Variants in HNF1B observed in about 807,000 individuals in gnomAD.
HNF1B encodes hepatocyte nuclear factor 1-beta.
HNF1B carries 8 observed loss-of-function variants against 61.7 expected under a neutral mutation model. That is an observed-to-expected ratio of 0.13 (90% CI 0.08 to 0.23). The LOEUF (loss-of-function observed/expected upper bound fraction) is 0.23, where lower values mean the gene tolerates loss of function less well. Among genes scored for constraint, HNF1B ranks in the 10% least tolerant of loss-of-function variants. The probability of loss-of-function intolerance (pLI) is 1.00; values close to 1 mark genes in which losing one functional copy is unlikely to be tolerated. For missense variants in HNF1B, 562 were observed against 714.5 expected, an observed-to-expected ratio of 0.79 and a Z score of 2.43; for synonymous variants, 314 against 287.7, an observed-to-expected ratio of 1.09 and a Z score of -0.93.
intron 4 of HNF1B, among the ~76,000 whole-genome samples, chr17:37,719,418 C>T (rs2033233303): frequency 6.6e-6 from 1 of 152,146 alleles, no homozygotes; most frequent in South Asian, 2.1e-4. Context: ...GGAGAAGAGT[C>T]AATTAATGGG....
chr17:37,723,768 C>T (rs1194500362), intron 4 of HNF1B, among the ~76,000 whole-genome samples: 1 of 152,068 alleles, frequency 6.6e-6, no homozygotes, highest in Non-Finnish European at 1.5e-5. Flanking sequence ...AGAAACAACC[C>T]CCAAGTCTCT....
Position 37,733,762 on chromosome 17 carries a change from G to C in HNF1B, c.604C>G (p.Leu202Val), listed in dbSNP as rs2033756416. The C allele has an allele frequency of 6.2e-7, 1 of 1,614,230 alleles. No homozygotes were observed. ...CTGAACTCTGGAAAGAGAAACAGCA[G>C]CTGATCCTGACTGCTTTTGTCTGTC... ...NMTDKSSQDQ[L>V]LFLFPEFSQQ... The change falls in exon 3 of 9, where the codon CTG becomes GTG. Residue 202 changes from leucine (L) to valine (V), a missense_variant. Transcript: ENST00000617811.
chr17:37,727,818 AGCTTCGTCTC>A (rs2033550748), intron 4 of HNF1B, among the ~76,000 whole-genome samples: 1 of 152,062 alleles, frequency 6.6e-6, no homozygotes, highest in Non-Finnish European at 1.5e-5. Flanking sequence ...GTTCTGGGGA[AGCTTCGTCTC>A]CAAGGTGCTG....
chr17:37,733,898 C>T (rs949643114), intron 2 of HNF1B, 77 bp from the exon 3 acceptor site: 39 of 1,485,150 alleles, frequency 2.6e-5, no homozygotes, highest in Non-Finnish European at 3.0e-5. Context: ...AGACAGACAA[C>T]GGACGAAGAC....
In HNF1B at chr17:37,686,699, G is replaced by T; in HGVS notation, c.*673C>A. On this transcript the variant is annotated 3_prime_UTR_variant, in exon 9 of 9. Coordinates refer to ENST00000617811, the MANE Select transcript of HNF1B (RefSeq NM_000458.4). Reference sequence around the variant, plus strand: ...ATAAGTGTCCAGGCCCGCGGGAGAGGACAAGGGGCTTCACTTCCCACTTAG... The same window carrying T: ...ATAAGTGTCCAGGCCCGCGGGAGAGTACAAGGGGCTTCACTTCCCACTTAG... 1 of 172,624 alleles carries T rather than the reference G, an allele frequency of 5.8e-6. No homozygotes were observed. Among genetic ancestry groups the T allele is most frequent in the Non-Finnish European group, 1.3e-5 (1 of 78,524 alleles). 10.7% of individuals were successfully genotyped at this position (172,624 alleles called of 1,614,324 possible). A position where few individuals can be genotyped will look rare whatever the true frequency, so the allele number is the denominator to read the frequency against.
In HNF1B at chr17:37,734,399, A is replaced by G. The variant is rs547954162; in HGVS notation, c.545-578T>C. Among the ~76,000 whole-genome samples, 5 of 152,368 alleles carry G rather than the reference A, an allele frequency of 3.3e-5. No homozygotes were observed. In the Middle Eastern group the frequency reaches 0.017, roughly 518 times the overall value. On this transcript the variant is annotated intron_variant, in intron 2 of 8. Coordinates refer to ENST00000617811, the MANE Select transcript of HNF1B (RefSeq NM_000458.4). ...GTATTGGAAAAAGAAAATGTGCTTT[A>G]GATCTCAAAATAATTTCAAAGACTA...
rs759636901 is a variant in HNF1B at position 37,744,649 on chromosome 17, C to T, written c.236G>A (p.Gly79Asp). Residue 79 changes from glycine (G) to aspartate (D), a missense_variant, in exon 1 of 9, where the codon GGC becomes GAC. Gly to Asp is a moderately conservative substitution (Grantham distance 94). Around this residue, in one of 6 missense-constraint regions of HNF1B, gnomAD observed 148 missense variants for 147.3 expected, o/e 1.00. Transcript: ENST00000617811. ...HAKGRLSGDE[G>D]SEDGDDYDTP... ...GTCATAGTCGTCGCCGTCCTCGGAGCCCTCGTCGCCGGACAAGCGGCCCTT... is the reference window on the plus strand; with the variant it reads ...GTCATAGTCGTCGCCGTCCTCGGAGTCCTCGTCGCCGGACAAGCGGCCCTT... The T allele has an allele frequency of 1.4e-5, 23 of 1,612,742 alleles. No homozygotes were observed. Among genetic ancestry groups the T allele is most frequent in the African/African-American group, 2.7e-5 (2 of 74,958 alleles).
At chr17:37,738,225 G>A (rs2033891286) in intron 2 of HNF1B, among the ~76,000 whole-genome samples, 1 of 152,206 alleles carries the variant, frequency 6.6e-6, no homozygotes, top group Admixed American at 6.5e-5. Flanking sequence ...TTCTTGGAAA[G>A]GTCTCTCGCT....
At chr17:37,744,415 G>C in intron 1 of HNF1B, 126 bp downstream of exon 1, 1 of 924,392 alleles carries the variant, frequency 1.1e-6, no homozygotes, top group East Asian at 2.5e-5. Flanking sequence ...GAAGCAGAGC[G>C]CCCCCCGGGG....
intron 8 of HNF1B, among the ~76,000 whole-genome samples, chr17:37,689,529 TAG>T (rs1348616004): frequency 3.3e-5 from 5 of 152,200 alleles, no homozygotes; most frequent in African/African-American, 1.2e-4. Flanking sequence ...TCAAAAGAAC[TAG>T]AGTTATTTGC....
intron 5 of HNF1B, among the ~76,000 whole-genome samples, chr17:37,708,134 C>T (rs2032812868): frequency 6.6e-6 from 1 of 152,192 alleles, no homozygotes; most frequent in African/African-American, 2.4e-5. Flanking sequence ...CGAGCCAAGA[C>T]TTGCACATAC....
intron 2 of HNF1B, among the ~76,000 whole-genome samples, chr17:37,738,076 G>A (rs1289964065): frequency 6.6e-6 from 1 of 152,234 alleles, no homozygotes; most frequent in African/African-American, 2.4e-5. Flanking sequence ...AAATTGGGCA[G>A]GGCCCAAGCG....
At chr17:37,705,195 C>A (rs2032703431) in intron 5 of HNF1B, 146 bp from the exon 6 acceptor site, 2 of 929,586 alleles carry the variant, frequency 2.2e-6, no homozygotes, top group East Asian at 5.3e-5. Context: ...ATTGGCTGGG[C>A]ATGGTGCTTC....
chr17:37,714,146 T>C (rs185964087), intron 4 of HNF1B, among the ~76,000 whole-genome samples: 5 of 152,320 alleles, frequency 3.3e-5, no homozygotes, highest in East Asian at 3.9e-4. Context: ...TGTCAGGTCA[T>C]TGGGAAGAGA....
chr17:37,733,044 G>C (rs1428354879), intron 3 of HNF1B, among the ~76,000 whole-genome samples: 2 of 152,056 alleles, frequency 1.3e-5, no homozygotes, highest in African/African-American at 4.8e-5. Context: ...GAACAGATCT[G>C]ACCAATTCTT....
chr17:37,736,252 G>T (rs921804079), intron 2 of HNF1B, among the ~76,000 whole-genome samples: 2 of 152,238 alleles, frequency 1.3e-5, no homozygotes. Context: ...GTCACCAATG[G>T]CGAAAGCCAG....
intron 6 of HNF1B, among the ~76,000 whole-genome samples, chr17:37,701,904 A>G (rs1462041513): frequency 6.6e-6 from 1 of 152,196 alleles, no homozygotes; most frequent in South Asian, 2.1e-4. Flanking sequence ...GGGTCTTCCC[A>G]TCTTTCTGTT....
Position 37,687,138 on chromosome 17 carries a change from T to C in HNF1B, c.*234A>G, listed in dbSNP as rs2031996810. 1 of 670,762 alleles carries C rather than the reference T, an allele frequency of 1.5e-6. No homozygotes were observed. Among genetic ancestry groups the C allele is most frequent in the South Asian group, 1.7e-5 (1 of 58,246 alleles). 41.6% of individuals were successfully genotyped at this position (670,762 alleles called of 1,614,324 possible). A position where few individuals can be genotyped will look rare whatever the true frequency, so the allele number is the denominator to read the frequency against. On this transcript the variant is annotated 3_prime_UTR_variant, in exon 9 of 9. Transcript: ENST00000617811. ...CACCTCCAGGACAGACAGGAGTCCTTGACATCGTGGGAGAGGCATTGTGGC... is the reference window on the plus strand; with the variant it reads ...CACCTCCAGGACAGACAGGAGTCCTCGACATCGTGGGAGAGGCATTGTGGC...
At chr17:37,741,319 C>G (rs1468565258) in intron 1 of HNF1B, among the ~76,000 whole-genome samples, 1 of 152,158 alleles carries the variant, frequency 6.6e-6, no homozygotes, top group African/African-American at 2.4e-5. Context: ...TGATATTAAA[C>G]TCGTGAGAAC....
Sources: allele counts gnomAD v4.1 joint callset (sites outside exome capture counted in the v4.1 genomes callset), GRCh38; gene constraint gnomAD v4.1.1; regional missense constraint gnomAD v4.1.1; transcripts MANE v1.5; gene names NCBI Gene and HGNC (gene_info 2026-07-23, HGNC 2026-07-21).